BCAT1: variants seen among roughly 807,000 people sequenced by gnomAD.
BCAT1 encodes branched chain amino acid transaminase 1.
BCAT1 carries 48 observed loss-of-function variants against 52.4 expected under a neutral mutation model. The ratio of observed to expected loss-of-function variants is 0.92; its 90% confidence interval spans 0.73 to 1.16. The LOEUF (loss-of-function observed/expected upper bound fraction) is 1.16. BCAT1 is among the 50% of genes most tolerant of loss of function. BCAT1 has a pLI of 0.00. For missense variants in BCAT1, 451 were observed against 457.1 expected (o/e 0.99, Z 0.12); for synonymous variants, 167 against 161.3 (o/e 1.04, Z -0.27).
chr12:24,838,544 A>T (rs1211821477), intron 7 of BCAT1, among the ~76,000 whole-genome samples: 1 of 151,972 alleles, frequency 6.6e-6, no homozygotes, highest in Non-Finnish European at 1.5e-5. Context: ...CAGTGCCCCC[A>T]AACCGGACCT....
At chr12:24,889,540 G>A (rs998542882) in intron 3 of BCAT1, among the ~76,000 whole-genome samples, 1 of 152,202 alleles carries the variant, frequency 6.6e-6, no homozygotes, top group African/African-American at 2.4e-5. Context: ...ATAAGAGTAA[G>A]GCAGAAATAA....
chr12:24,864,350 A>C (rs917723384), intron 5 of BCAT1, among the ~76,000 whole-genome samples: 1 of 152,134 alleles, frequency 6.6e-6, no homozygotes, highest in Non-Finnish European at 1.5e-5. Context: ...AAAGGATGCT[A>C]ATATCTGCAA....
intron 1 of BCAT1, among the ~76,000 whole-genome samples, chr12:24,946,686 TAGCCTTCACAAAGCTC>T (rs1943936980): frequency 6.6e-6 from 1 of 152,326 alleles, no homozygotes; most frequent in African/African-American, 2.4e-5. Flanking sequence ...ATAAATTGTG[TAGCCTTCACAAAGCTC>T]AGATCGCTCT....
chr12:24,887,522 A>C (rs1285818521), intron 3 of BCAT1, among the ~76,000 whole-genome samples: 1 of 152,230 alleles, frequency 6.6e-6, no homozygotes, highest in Admixed American at 6.5e-5. Flanking sequence ...TCCATAAAGG[A>C]AAGCAAAGAA....
chr12:24,911,865 T>G (rs1453727231), intron 1 of BCAT1, among the ~76,000 whole-genome samples: 1 of 152,236 alleles, frequency 6.6e-6, no homozygotes, highest in Non-Finnish European at 1.5e-5. Flanking sequence ...ATTAGGAATT[T>G]CATTTCCTGT....
chr12:24,927,365 G>A (rs1943606748), intron 1 of BCAT1, among the ~76,000 whole-genome samples: 1 of 152,040 alleles, frequency 6.6e-6, no homozygotes, highest in Non-Finnish European at 1.5e-5. Flanking sequence ...AGAAACAGAA[G>A]AATGCAAGGT....
chr12:24,872,424 C>T (rs1565475072), intron 5 of BCAT1, among the ~76,000 whole-genome samples: 1 of 152,130 alleles, frequency 6.6e-6, no homozygotes, highest in South Asian at 2.1e-4. Flanking sequence ...TGTAAGATTT[C>T]CCAGGAAGTT....
At position 24,855,526 on chromosome 12, in the gene BCAT1, G is replaced by A. The variant is rs143950901; in HGVS notation, c.511-5577C>T. On this transcript the variant is annotated intron_variant, in intron 5 of 10. Transcript: ENST00000261192. ...CTCCTGAGGAGCTGGGATTACAGGCGTGCACCACCACACCCGGCTAGTTTT... is the reference window on the plus strand; with the variant it reads ...CTCCTGAGGAGCTGGGATTACAGGCATGCACCACCACACCCGGCTAGTTTT... Among the ~76,000 whole-genome samples the A allele has an allele frequency of 7.5e-3, 1,136 of 152,052 alleles. 21 individuals carry two copies. Among genetic ancestry groups the A allele is most frequent in the African/African-American group, 0.026 (1,095 of 41,476 alleles).
intron 7 of BCAT1, among the ~76,000 whole-genome samples, chr12:24,839,569 T>C (rs1311047271): frequency 6.6e-6 from 1 of 152,146 alleles, no homozygotes; most frequent in Non-Finnish European, 1.5e-5. Flanking sequence ...CCACCATGGG[T>C]GCTGTTACTG....
intron 9 of BCAT1, among the ~76,000 whole-genome samples, 197 bp downstream of exon 9, chr12:24,832,526 C>T (rs1940711564): frequency 1.3e-5 from 2 of 152,264 alleles, no homozygotes; most frequent in South Asian, 4.1e-4. Flanking sequence ...GCTATGATCA[C>T]ACCAGTGAAT....
intron 1 of BCAT1, among the ~76,000 whole-genome samples, chr12:24,924,503 G>A (rs1943551282): frequency 6.6e-6 from 1 of 152,132 alleles, no homozygotes; most frequent in Admixed American, 6.5e-5. Context: ...TGCATATCAT[G>A]TGTCTTTGAT....
At chr12:24,872,683 C>T (rs1942212702) in intron 5 of BCAT1, among the ~76,000 whole-genome samples, 2 of 152,240 alleles carry the variant, frequency 1.3e-5, no homozygotes, top group Non-Finnish European at 2.9e-5. Context: ...AAAGTCACAT[C>T]TGCAGGTAGC....
intron 3 of BCAT1, among the ~76,000 whole-genome samples, chr12:24,890,905 T>C (rs986306648): frequency 1.6e-4 from 24 of 152,148 alleles, no homozygotes; most frequent in Admixed American, 1.6e-3. Context: ...GGGGACTGGA[T>C]TGGGACACCT....
rs1038052587 is a variant in BCAT1, at chr12:24,816,741, T to C, written c.*1267A>G. 2.5e-6 allele frequency: 1 copy of C among 394,114 alleles called. No homozygotes were observed. Among genetic ancestry groups the C allele is most frequent in the African/African-American group, 2.1e-5 (1 of 48,438 alleles). 24.4% of individuals were successfully genotyped at this position (394,114 alleles called of 1,614,324 possible). On this transcript the variant is annotated 3_prime_UTR_variant, in exon 11 of 11. Coordinates refer to ENST00000261192, the MANE Select transcript of BCAT1 (RefSeq NM_005504.7). ...AGGGACCAGTTTTGTGGAAGACAATTTTTCCACAGACTGCAGGGTGAAGGG... is the reference window on the plus strand; with the variant it reads ...AGGGACCAGTTTTGTGGAAGACAATCTTTCCACAGACTGCAGGGTGAAGGG...
At chr12:24,847,888 C>G (rs1015096128) in intron 6 of BCAT1, among the ~76,000 whole-genome samples, 1 of 152,230 alleles carries the variant, frequency 6.6e-6, no homozygotes, top group African/African-American at 2.4e-5. Context: ...ATTAGGTTTA[C>G]AGATGTAATA....
chr12:24,845,277 G>A (rs1017270519), intron 6 of BCAT1, among the ~76,000 whole-genome samples: 1 of 149,888 alleles, frequency 6.7e-6, no homozygotes, highest in African/African-American at 2.4e-5. Flanking sequence ...AAATACAGAT[G>A]ACAAAATATA....
In BCAT1 at chr12:24,810,402, T is replaced by C. The variant is rs1044576044; in HGVS notation, c.*7606A>G. ...AATCAGCTTAGCAGAAAAATAATTATAAAATTTGAAATATCCCCTTTTCTT... is the reference window on the plus strand; with the variant it reads ...AATCAGCTTAGCAGAAAAATAATTACAAAATTTGAAATATCCCCTTTTCTT... On this transcript the variant is annotated 3_prime_UTR_variant, in exon 11 of 11. Transcript: ENST00000261192. 3 of 152,210 alleles carry C rather than the reference T, an allele frequency of 2.0e-5. No homozygotes were observed. The highest frequency in any genetic ancestry group is 2.4e-5 in the African/African-American group (1 of 41,460). The allele number at this position is 152,210 out of a possible 1,614,324, so 9.4% of individuals were successfully genotyped here. A position where few individuals can be genotyped will look rare whatever the true frequency, so the allele number is the denominator to read the frequency against.
chr12:24,924,863 T>A (rs1208364405), intron 1 of BCAT1, among the ~76,000 whole-genome samples: 1 of 152,192 alleles, frequency 6.6e-6, no homozygotes, highest in Admixed American at 6.5e-5. Flanking sequence ...AGTATTTAGA[T>A]AGGAAATATC....
chr12:24,850,275 C>CA (rs1326562644), intron 5 of BCAT1, among the ~76,000 whole-genome samples: 1 of 152,154 alleles, frequency 6.6e-6, no homozygotes, highest in African/African-American at 2.4e-5. Flanking sequence ...TTCAAGGTTG[C>CA]ATGATTGGGA....
Sources: allele counts gnomAD v4.1 joint callset (sites outside exome capture counted in the v4.1 genomes callset), GRCh38; gene constraint gnomAD v4.1.1; transcripts MANE v1.5; gene names NCBI Gene and HGNC (gene_info 2026-07-23, HGNC 2026-07-21).